ATP13A5: variants seen among roughly 807,000 people sequenced by gnomAD.
ATP13A5 encodes the protein probable cation-transporting ATPase 13A5.
Under a neutral mutation model 150.2 loss-of-function variants are expected in ATP13A5, and 149 were observed. The ratio of observed to expected loss-of-function variants is 0.99; its 90% CI spans 0.87 to 1.14. ATP13A5 has a LOEUF of 1.14. Ranked by LOEUF, ATP13A5 falls within the 50% of genes most tolerant of loss-of-function variation. The pLI, the probability that ATP13A5 is intolerant of heterozygous loss-of-function variation, is 0.00. For missense variants in ATP13A5, 1,383 were observed against 1,449.3 expected (o/e 0.95, Z 0.74); for synonymous variants, 497 against 522.2 (o/e 0.95, Z 0.66).
intron 5 of ATP13A5, among the ~76,000 whole-genome samples, chr3:193,354,960 T>G (rs958267901): frequency 4.6e-5 from 7 of 150,556 alleles, no homozygotes; most frequent in African/African-American, 1.7e-4. Context: ...GAGATGGAGT[T>G]TCACTCTTGT....
intron 9 of ATP13A5, among the ~76,000 whole-genome samples, chr3:193,337,885 G>T (rs544900429): frequency 6.6e-5 from 10 of 152,166 alleles, no homozygotes; most frequent in Non-Finnish European, 1.3e-4. Context: ...TCTTCCATTT[G>T]TTTGTGTCCT....
At chr3:193,286,232 T>A (rs1422877173) in intron 26 of ATP13A5, among the ~76,000 whole-genome samples, 1 of 152,242 alleles carries the variant, frequency 6.6e-6, no homozygotes, top group African/African-American at 2.4e-5. Context: ...AAGATTCATT[T>A]TCTAACGTGA....
Position 193,339,026 on chromosome 3 carries a change from G to A in ATP13A5, c.944-3927C>T, listed in dbSNP as rs191114855. On this transcript the variant is annotated intron_variant, in intron 9 of 29. Coordinates refer to ENST00000342358, the MANE Select transcript of ATP13A5 (RefSeq NM_198505.4). ...GATTTTCTAGTTTATTTGCATAGAG[G>A]TGTTTATAGTATTCTCTGATGGTAG... 7.6e-3 allele frequency among the ~76,000 whole-genome samples: 1,159 copies of A among 152,262 alleles called. 14 individuals carry two copies. The highest frequency in any genetic ancestry group is 0.026 in the African/African-American group (1,089 of 41,552).
chr3:193,347,500 A>G (rs1577363202), intron 7 of ATP13A5, among the ~76,000 whole-genome samples: 1 of 149,608 alleles, frequency 6.7e-6, no homozygotes, highest in African/African-American at 2.5e-5. Flanking sequence ...TTCTTTAAGA[A>G]GATAAAAATC....
At chr3:193,282,359 A>G (rs1436641192) in intron 27 of ATP13A5, among the ~76,000 whole-genome samples, 3 of 152,152 alleles carry the variant, frequency 2.0e-5, no homozygotes, top group African/African-American at 7.2e-5. Context: ...AAGCAAAAAT[A>G]TAAAATACAA....
chr3:193,313,393 A>C (rs1049881268), intron 19 of ATP13A5: 2 of 152,232 alleles, frequency 1.3e-5, no homozygotes, highest in Non-Finnish European at 2.9e-5. Context: ...CATATCTTTG[A>C]ATTCACACAA....
chr3:193,285,490 C>T (rs1445740384), intron 26 of ATP13A5, among the ~76,000 whole-genome samples: 1 of 152,166 alleles, frequency 6.6e-6, no homozygotes, highest in East Asian at 1.9e-4. Context: ...TCTGCCACTC[C>T]TATTTACTTC....
intron 9 of ATP13A5, among the ~76,000 whole-genome samples, chr3:193,336,501 C>A (rs1711869976): frequency 6.6e-6 from 1 of 152,052 alleles, no homozygotes; most frequent in Non-Finnish European, 1.5e-5. Context: ...GATTTTTTGT[C>A]CTTGAGATAG....
chr3:193,348,283 C>A (rs1223672358), intron 7 of ATP13A5, among the ~76,000 whole-genome samples: 1 of 152,200 alleles, frequency 6.6e-6, no homozygotes, highest in African/African-American at 2.4e-5. Context: ...ATTTGCATAT[C>A]GTTATTATTC....
intron 1 of ATP13A5, among the ~76,000 whole-genome samples, chr3:193,366,429 G>T (rs1026976932): frequency 6.6e-6 from 1 of 151,994 alleles, no homozygotes; most frequent in Non-Finnish European, 1.5e-5. Context: ...AACAGTGGAA[G>T]AAAGCTGATA....
At chr3:193,325,134 T>C in intron 13 of ATP13A5, 120 bp from the exon 14 acceptor site, 2 of 927,672 alleles carry the variant, frequency 2.2e-6, no homozygotes, top group South Asian at 3.3e-5. Flanking sequence ...TTCCCATGGC[T>C]CCCTATGCTC....
chr3:193,378,508 C>T (rs777037031), intron 1 of ATP13A5, among the ~76,000 whole-genome samples, 155 bp downstream of exon 1: 5 of 152,200 alleles, frequency 3.3e-5, no homozygotes, highest in Non-Finnish European at 7.4e-5. Context: ...TAAAATGGTG[C>T]TTTGCAGCCC....
chr3:193,327,203 GA>G, intron 12 of ATP13A5, 146 bp from the exon 13 acceptor site: 2 of 682,424 alleles, frequency 2.9e-6, no homozygotes, highest in South Asian at 4.1e-5. Context: ...TTAAATCAGA[GA>G]GGAGTACCCA....
chr3:193,330,365 TG>T (rs1229438673), intron 12 of ATP13A5, among the ~76,000 whole-genome samples: 6 of 152,248 alleles, frequency 3.9e-5, no homozygotes, highest in African/African-American at 1.4e-4. Flanking sequence ...TACACAGCAG[TG>T]GCTCTCTGCC....
At chr3:193,308,283 C>A (rs1718696310) in intron 21 of ATP13A5, among the ~76,000 whole-genome samples, 1 of 152,006 alleles carries the variant, frequency 6.6e-6, no homozygotes, top group African/African-American at 2.4e-5. Flanking sequence ...CACAGTGAAA[C>A]CCCATCTCTA....
At chr3:193,294,993 C>A (rs1307293922) in intron 25 of ATP13A5, among the ~76,000 whole-genome samples, 1 of 152,052 alleles carries the variant, frequency 6.6e-6, no homozygotes, top group Non-Finnish European at 1.5e-5. Context: ...ATGCCACTTT[C>A]TTCTGAATAT....
chr3:193,279,828 T>C (rs1577320234), intron 27 of ATP13A5, among the ~76,000 whole-genome samples: 1 of 151,956 alleles, frequency 6.6e-6, no homozygotes, highest in African/African-American at 2.4e-5. Context: ...GATCCTCTAT[T>C]GACATTCAAG....
intron 21 of ATP13A5, among the ~76,000 whole-genome samples, chr3:193,310,004 G>T (rs182301621): frequency 2.6e-5 from 4 of 152,156 alleles, no homozygotes; most frequent in African/African-American, 9.6e-5. Flanking sequence ...TATTTTTTCT[G>T]CTCCTCTTCC....
At chr3:193,312,015 A>G (rs1281794046) in intron 19 of ATP13A5, 74 bp from the exon 20 acceptor site, 3 of 1,559,968 alleles carry the variant, frequency 1.9e-6, no homozygotes, top group Non-Finnish European at 2.6e-6. Flanking sequence ...TTATTGAAGG[A>G]AGAGTTTTCA....
Sources: allele counts gnomAD v4.1 joint callset (sites outside exome capture counted in the v4.1 genomes callset), GRCh38; gene constraint gnomAD v4.1.1; transcripts MANE v1.5; gene names NCBI Gene and HGNC (gene_info 2026-07-23, HGNC 2026-07-21).